SPATA6: variants seen among roughly 807,000 people sequenced by gnomAD.
SPATA6 encodes spermatogenesis-associated protein 6.
SPATA6 carries 56 observed loss-of-function variants against 65.3 expected under a neutral mutation model. The observed-to-expected ratio is 0.86, with a 90% CI of 0.69 to 1.07. SPATA6 has a LOEUF of 1.07. Among genes scored for constraint, SPATA6 ranks in the 50% least tolerant of loss-of-function variants. The pLI is 0.00. For missense variants in SPATA6, 590 were observed against 594.8 expected, an observed-to-expected ratio of 0.99 and a Z score of 0.08; for synonymous variants, 199 against 213.2, an observed-to-expected ratio of 0.93 and a Z score of 0.58.
chr1:48,280,782 G>A, the SPATA6 span, among the ~76,000 whole-genome samples: 1 of 152,098 alleles, frequency 6.6e-6, no homozygotes, highest in Non-Finnish European at 1.5e-5. Context: ...CATTCCTTCT[G>A]AAACTATTCC....
intron 3 of SPATA6, among the ~76,000 whole-genome samples, chr1:48,442,717 T>TAAAAAAAAAAA (rs71056669): frequency 6.5e-5 from 3 of 46,212 alleles, no homozygotes; most frequent in African/African-American, 1.8e-4. Flanking sequence ...ATGGAAGTAG[T>TAAAAAAAAAAA]AAAAAAAAAA....
Position 48,399,477 on chromosome 1 carries a change from T to A in SPATA6, c.654A>T (p.Pro218=), listed in dbSNP as rs747230294. The change falls in exon 7 of 13, where the codon CCA becomes CCT. Residue 218 remains proline, a synonymous_variant. Transcript: ENST00000371847. ...ACATGCGTCTTTTTGTGTAGGGAGA[T>A]GGAGAGTGTGATTTTGAAGAAATTG... ...QPTISSKSHS[P]SPYTKRRMCE... is the part of the protein sequence containing the mutation. 33 of 1,613,122 alleles carry A rather than the reference T, an allele frequency of 2.0e-5. No individual in the cohort carries two copies. The highest frequency in any genetic ancestry group is 1.6e-4 in the Middle Eastern group (1 of 6,076).
At chr1:48,399,280 T>C in intron 7 of SPATA6, 71 bp downstream of exon 7, 1 of 1,498,536 alleles carries the variant, frequency 6.7e-7, no homozygotes, top group African/African-American at 1.4e-5. Flanking sequence ...TTGAAAGATA[T>C]TTCAGAATAA....
intron 11 of SPATA6, among the ~76,000 whole-genome samples, chr1:48,306,784 G>A (rs1018024901): frequency 2.6e-5 from 4 of 151,872 alleles, no homozygotes; most frequent in Non-Finnish European, 4.4e-5. Context: ...AGCATTATGT[G>A]TAAACGTGTG....
rs1414929252 is a variant in SPATA6 at position 48,376,030 on chromosome 1, T to C, written c.909+9279A>G. 2.0e-5 allele frequency among the ~76,000 whole-genome samples: 3 copies of C among 152,292 alleles called. No individual in the cohort carries two copies. The East Asian group carries it at 5.8e-4, about 29-fold the overall frequency. On this transcript the variant is annotated intron_variant, in intron 9 of 12. Coordinates refer to ENST00000371847, the MANE Select transcript of SPATA6 (RefSeq NM_019073.4). ...TGCTAGCCAAGGCAAATTAAAAATA[T>C]AAAATGTTAAAACCATTTGCCTTTC...
At chr1:48,404,495 C>T (rs1194250977) in intron 5 of SPATA6, among the ~76,000 whole-genome samples, 3 of 151,994 alleles carry the variant, frequency 2.0e-5, no homozygotes, top group Non-Finnish European at 4.4e-5. Context: ...GGATACACCA[C>T]CACATTCAGC....
At chr1:48,340,786 G>A (rs1057232441) in intron 11 of SPATA6, among the ~76,000 whole-genome samples, 14 of 151,764 alleles carry the variant, frequency 9.2e-5, no homozygotes, top group Non-Finnish European at 4.4e-5. Context: ...TTAAATATAG[G>A]GATACAAGAA....
chr1:48,283,870 T>G, the SPATA6 span, among the ~76,000 whole-genome samples: 3 of 152,096 alleles, frequency 2.0e-5, no homozygotes, highest in Non-Finnish European at 4.4e-5. Flanking sequence ...CATTTTTTCA[T>G]TGATTTCAAC....
intron 11 of SPATA6, among the ~76,000 whole-genome samples, chr1:48,322,712 C>A (rs1312062891): frequency 6.6e-6 from 1 of 152,140 alleles, no homozygotes; most frequent in Non-Finnish European, 1.5e-5. Context: ...AGAACTTAAA[C>A]AAATTTACAA....
chr1:48,318,634 T>C (rs1557554874), intron 11 of SPATA6, among the ~76,000 whole-genome samples: 1 of 152,174 alleles, frequency 6.6e-6, no homozygotes, highest in Non-Finnish European at 1.5e-5. Context: ...AATAAATTTT[T>C]AAAGTGCTAT....
intron 9 of SPATA6, among the ~76,000 whole-genome samples, chr1:48,362,431 T>C (rs193286631): frequency 1.3e-5 from 2 of 152,258 alleles, no homozygotes; most frequent in East Asian, 3.9e-4. Flanking sequence ...CTGCTAAATT[T>C]TATCCCCAAA....
At chr1:48,442,717 TAAAAAAAA>T (rs71056669) in intron 3 of SPATA6, among the ~76,000 whole-genome samples, 22 of 46,218 alleles carry the variant, frequency 4.8e-4, no homozygotes, top group African/African-American at 1.9e-3. Flanking sequence ...ATGGAAGTAG[TAAAAAAAA>T]AAAAAAAAAA....
At chr1:48,411,349 T>C in intron 5 of SPATA6, 115 bp downstream of exon 5, 3 of 1,194,476 alleles carry the variant, frequency 2.5e-6, no homozygotes, top group Non-Finnish European at 2.2e-6. Flanking sequence ...AACAATTAAG[T>C]AAACTAAATT....
chr1:48,313,519 T>C (rs552716987), intron 11 of SPATA6, among the ~76,000 whole-genome samples: 1 of 152,278 alleles, frequency 6.6e-6, no homozygotes, highest in South Asian at 2.1e-4. Flanking sequence ...CCACCAGGCC[T>C]GCCCTAAAAG....
intron 5 of SPATA6, among the ~76,000 whole-genome samples, chr1:48,408,168 ATTAC>A (rs761459529): frequency 4.1e-4 from 63 of 152,322 alleles, no homozygotes; most frequent in Non-Finnish European, 6.5e-4. Context: ...TATAGGAGAA[ATTAC>A]TTAGTTAACT....
intron 10 of SPATA6, among the ~76,000 whole-genome samples, chr1:48,358,077 A>G (rs1160480467): frequency 6.6e-6 from 1 of 152,112 alleles, no homozygotes; most frequent in African/African-American, 2.4e-5. Flanking sequence ...TGTAAATGCC[A>G]CCGCTATCTA....
chr1:48,413,742 A>T (rs911920673), intron 3 of SPATA6, among the ~76,000 whole-genome samples: 3 of 152,070 alleles, frequency 2.0e-5, no homozygotes, highest in Non-Finnish European at 2.9e-5. Context: ...ATAATTTTTG[A>T]CTTCCCAGAA....
intron 11 of SPATA6, among the ~76,000 whole-genome samples, chr1:48,308,570 G>C (rs761168777): frequency 6.6e-6 from 1 of 152,058 alleles, no homozygotes; most frequent in African/African-American, 2.4e-5. Context: ...GTGAATCTGA[G>C]CTACTGTCTA....
rs1645761428 is a variant in SPATA6, at chr1:48,326,408, G to A, written c.1195-20530C>T. Among the ~76,000 whole-genome samples the A allele has an allele frequency of 2.0e-5, 3 of 151,356 alleles. No homozygotes were observed. In the South Asian group the frequency reaches 6.3e-4, roughly 32 times the overall value. The stretch of plus-strand genomic sequence containing the variant: ...CTCATGGTGCATTAGGATCAGTTAT[G>A]TTAAAATGACCATACTACCCAAAGC... On this transcript the variant is annotated intron_variant, in intron 11 of 12. Coordinates refer to ENST00000371847, the MANE Select transcript of SPATA6 (RefSeq NM_019073.4).
Sources: allele counts gnomAD v4.1 joint callset (sites outside exome capture counted in the v4.1 genomes callset), GRCh38; gene constraint gnomAD v4.1.1; transcripts MANE v1.5; gene names NCBI Gene and HGNC (gene_info 2026-07-23, HGNC 2026-07-21).